The following RBBP8 variants were observed in gnomAD, a reference collection of about 807,000 sequenced individuals.
The protein encoded by RBBP8 is RB binding protein 8, endonuclease, also known as DNA endonuclease RBBP8.
Under a neutral mutation model 108.3 loss-of-function variants are expected in RBBP8, and 88 were observed. That is an observed-to-expected ratio of 0.81 (90% CI 0.68 to 0.97). The LOEUF (loss-of-function observed/expected upper bound fraction) is 0.97. Among genes scored for constraint, RBBP8 ranks in the 50% least tolerant of loss-of-function variants. The pLI, the probability that RBBP8 is intolerant of heterozygous loss-of-function variation, is 0.00. For synonymous variants in RBBP8, 332 were observed against 348.2 expected, an observed-to-expected ratio of 0.95 and a Z score of 0.52; for missense variants, 1,023 against 1,049.0, an observed-to-expected ratio of 0.98 and a Z score of 0.34.
In RBBP8 at chr18:22,951,378, G is replaced by A. The variant is rs567535884; in HGVS notation, c.248+1665G>A. On this transcript the variant is annotated intron_variant, in intron 4 of 18. Transcript: ENST00000327155. ...TTCAAAGGTTGGGAGTGAGCCATACGACAAACAAATGAGACAATTTCAGAT... is the reference window on the plus strand; with the variant it reads ...TTCAAAGGTTGGGAGTGAGCCATACAACAAACAAATGAGACAATTTCAGAT... Among the ~76,000 whole-genome samples the A allele has an allele frequency of 3.3e-5, 5 of 152,182 alleles. No individual in the cohort carries two copies. The South Asian group carries it at 8.3e-4, about 25-fold the overall frequency.
At chr18:22,930,031 T>A (rs1455903612), upstream of RBBP8, among the ~76,000 whole-genome samples, 1 of 152,194 alleles carries the variant, frequency 6.6e-6, no homozygotes, top group Non-Finnish European at 1.5e-5. Flanking sequence ...AAGCATAGAT[T>A]CTAGAATCTA....
chr18:23,019,970 G>T (rs1329871984), intron 17 of RBBP8, among the ~76,000 whole-genome samples: 1 of 151,562 alleles, frequency 6.6e-6, no homozygotes, highest in African/African-American at 2.4e-5. Flanking sequence ...CACTGTGTTA[G>T]CCAGGATGGT....
intron 6 of RBBP8, among the ~76,000 whole-genome samples, chr18:22,981,366 C>T (rs72887683): frequency 6.6e-6 from 1 of 151,850 alleles, no homozygotes; most frequent in Non-Finnish European, 1.5e-5. Flanking sequence ...AATTTTGAAG[C>T]CTTCTTGTAG....
At chr18:23,011,660 C>T (rs562425565) in intron 16 of RBBP8, among the ~76,000 whole-genome samples, 3 of 152,076 alleles carry the variant, frequency 2.0e-5, no homozygotes, top group African/African-American at 4.8e-5. Context: ...AGGATGGTCT[C>T]GATCTCCTGA....
At chr18:22,946,638 G>A in intron 3 of RBBP8, 152 bp downstream of exon 3, 2 of 1,117,352 alleles carry the variant, frequency 1.8e-6, no homozygotes, top group Middle Eastern at 3.2e-4. Context: ...TATGGGCCTT[G>A]GTAGTCAGCA....
intron 2 of RBBP8, among the ~76,000 whole-genome samples, chr18:22,943,102 CATT>C (rs1349573633): frequency 6.6e-6 from 1 of 151,872 alleles, no homozygotes; most frequent in African/African-American, 2.4e-5. Context: ...AAAAAGAGAA[CATT>C]ATCTTAAGAC....
rs141527576 is a variant in RBBP8 at position 22,952,191 on chromosome 18, C to G, written c.248+2478C>G. The stretch of plus-strand genomic sequence containing the variant: ...TTTGGATTTTAATTGTGATGGAAAC[C>G]ACTTAAGCAGGAGAATAACAAAGGG... On this transcript the variant is annotated intron_variant, in intron 4 of 18. Transcript: ENST00000327155. Among the ~76,000 whole-genome samples the G allele has an allele frequency of 7.0e-3, 1,070 of 152,170 alleles. 14 individuals are homozygous for G. Among genetic ancestry groups the G allele is most frequent in the African/African-American group, 0.024 (1,008 of 41,496 alleles).
intron 16 of RBBP8, among the ~76,000 whole-genome samples, chr18:23,011,017 T>C (rs965602486): frequency 1.3e-5 from 2 of 152,212 alleles, no homozygotes; most frequent in Non-Finnish European, 2.9e-5. Context: ...AAAGAAAATA[T>C]AGTTGTGGCA....
chr18:23,017,747 T>C (rs938300378), intron 17 of RBBP8, among the ~76,000 whole-genome samples: 3 of 140,854 alleles, frequency 2.1e-5, no homozygotes, highest in Non-Finnish European at 3.1e-5. Flanking sequence ...AGTTCTTTTT[T>C]TTTTTTTTTT....
intron 16 of RBBP8, among the ~76,000 whole-genome samples, chr18:23,011,432 T>C (rs1481956400): frequency 8.3e-6 from 1 of 120,514 alleles, no homozygotes; most frequent in Non-Finnish European, 1.6e-5. Context: ...CAGTGATCTT[T>C]GATGCTATTT....
At chr18:22,949,736 G>A (rs1209813371) in intron 4 of RBBP8, 23 bp downstream of exon 4, 2 of 1,506,008 alleles carry the variant, frequency 1.3e-6, no homozygotes, top group Non-Finnish European at 1.8e-6. Context: ...CTTAGGTCTT[G>A]AGTAAGAAGT....
intron 16 of RBBP8, among the ~76,000 whole-genome samples, chr18:23,016,247 T>C (rs544333063): frequency 1.3e-5 from 2 of 152,142 alleles, no homozygotes; most frequent in South Asian, 4.1e-4. Context: ...GATTTTTTTT[T>C]TATATTTCTG....
chr18:22,987,706 A>G (rs948379263), intron 8 of RBBP8, among the ~76,000 whole-genome samples: 4 of 152,210 alleles, frequency 2.6e-5, no homozygotes, highest in African/African-American at 9.7e-5. Context: ...CACCTGCTTC[A>G]GCCTGCCAAA....
intron 2 of RBBP8, among the ~76,000 whole-genome samples, chr18:22,938,475 C>G (rs554104212): frequency 1.3e-5 from 2 of 152,160 alleles, no homozygotes; most frequent in Admixed American, 1.3e-4. Context: ...GCGTGAGCTG[C>G]GCCCAGCCAG....
At chr18:23,005,320 G>A (rs56209118) in intron 15 of RBBP8, among the ~76,000 whole-genome samples, 2 of 152,204 alleles carry the variant, frequency 1.3e-5, no homozygotes, top group African/African-American at 4.8e-5. Flanking sequence ...AAATGTTTGA[G>A]GTGACAGATA....
At chr18:22,927,784 T>G (rs867501224) in intron 3 of RBBP8, among the ~76,000 whole-genome samples, 1 of 152,032 alleles carries the variant, frequency 6.6e-6, no homozygotes, top group Non-Finnish European at 1.5e-5. Context: ...GGGATAGTTC[T>G]GTGCTAAGAC....
chr18:22,988,805 A>C (rs1387806482), intron 8 of RBBP8, among the ~76,000 whole-genome samples: 8 of 152,228 alleles, frequency 5.3e-5, no homozygotes, highest in Admixed American at 5.2e-4. Context: ...GTGTTAGCTT[A>C]ACCTGAAACA....
upstream of RBBP8, among the ~76,000 whole-genome samples, chr18:22,931,984 C>CA (rs1276267147): frequency 6.6e-6 from 1 of 152,074 alleles, no homozygotes; most frequent in South Asian, 2.1e-4. Flanking sequence ...TAAGAAATAA[C>CA]AGTATCTTGG....
intron 4 of RBBP8, among the ~76,000 whole-genome samples, chr18:22,956,504 A>AT (rs1684152597): frequency 6.6e-6 from 1 of 151,994 alleles, no homozygotes; most frequent in African/African-American, 2.4e-5. Flanking sequence ...TGCCTGGCTA[A>AT]TTTTTTTGTT....
Sources: allele counts gnomAD v4.1 joint callset (sites outside exome capture counted in the v4.1 genomes callset), GRCh38; gene constraint gnomAD v4.1.1; transcripts MANE v1.5; gene names NCBI Gene and HGNC (gene_info 2026-07-23, HGNC 2026-07-21).